The following RGPD2 variants were observed in gnomAD, a reference collection of about 807,000 sequenced individuals.
RGPD2 encodes RANBP2 like and GRIP domain containing 2.
A neutral mutation model predicts 36.0 loss-of-function variants in RGPD2; 2 were observed. The ratio of observed to expected loss-of-function variants is 0.06; its 90% CI spans 0.02 to 0.17. RGPD2 has a LOEUF of 0.17. Among genes scored for constraint, RGPD2 ranks in the 10% least tolerant of loss-of-function variants. RGPD2 has a pLI of 1.00. For missense variants in RGPD2, 40 were observed against 464.3 expected, an observed-to-expected ratio of 0.09 and a Z score of 8.40; for synonymous variants, 19 against 163.8, an observed-to-expected ratio of 0.12 and a Z score of 6.75.
chr2:87,761,918 AAG>A (rs1684895322), intron 22 of RGPD2, among the ~76,000 whole-genome samples: 1 of 150,188 alleles, frequency 6.7e-6, no homozygotes, highest in South Asian at 2.2e-4. Context: ...TTTCCAGTGT[AAG>A]GTCACTGTTA....
the RGPD2 span, among the ~76,000 whole-genome samples, chr2:87,852,774 C>T: frequency 5.2e-5 from 8 of 152,396 alleles, no homozygotes; most frequent in Non-Finnish European, 1.0e-4. Context: ...GGCATGTCAC[C>T]TTATTATGGG....
chr2:87,882,032 T>C, the RGPD2 span, among the ~76,000 whole-genome samples: 1 of 152,152 alleles, frequency 6.6e-6, no homozygotes, highest in Non-Finnish European at 1.5e-5. Context: ...ATGTCATGCA[T>C]TTAAACAACC....
chr2:87,825,498 G>A (rs1412072655), intron 1 of RGPD2, among the ~76,000 whole-genome samples, 160 bp downstream of exon 1: 1 of 51,476 alleles, frequency 1.9e-5, no homozygotes, highest in South Asian at 8.5e-4. Flanking sequence ...CCGCCCGGCC[G>A]AGGCCGAGGC....
chr2:87,973,210 A>G, the RGPD2 span: 1 of 1,607,830 alleles, frequency 6.2e-7, no homozygotes, highest in Non-Finnish European at 8.5e-7. Flanking sequence ...CTCCCACCAG[A>G]GTGCCCTCCC....
At chr2:87,932,334 C>G in the RGPD2 span, among the ~76,000 whole-genome samples, 1 of 88,032 alleles carries the variant, frequency 1.1e-5, no homozygotes, top group African/African-American at 4.6e-5. Context: ...TTATTTTGAA[C>G]CTATGTGTGT....
chr2:87,887,131 G>A, the RGPD2 span, among the ~76,000 whole-genome samples: 48 of 151,710 alleles, frequency 3.2e-4, no homozygotes, highest in African/African-American at 1.1e-3. Flanking sequence ...TTAAAAAAAT[G>A]TTAGTTTTCC....
chr2:87,879,085 G>A, the RGPD2 span, among the ~76,000 whole-genome samples: 1 of 151,838 alleles, frequency 6.6e-6, no homozygotes, highest in African/African-American at 2.4e-5. Context: ...ATTTCCTTTG[G>A]GTATATACAT....
the RGPD2 span, among the ~76,000 whole-genome samples, chr2:87,982,428 AT>A: frequency 2.8e-5 from 1 of 35,332 alleles, no homozygotes; most frequent in Non-Finnish European, 8.0e-5. Flanking sequence ...TGTTCCTACA[AT>A]GTACAGTCCA....
At chr2:87,913,879 T>C in the RGPD2 span, among the ~76,000 whole-genome samples, 1 of 152,138 alleles carries the variant, frequency 6.6e-6, no homozygotes, top group Non-Finnish European at 1.5e-5. Flanking sequence ...TACCTGACAC[T>C]CTATGTAACA....
the RGPD2 span, among the ~76,000 whole-genome samples, chr2:87,887,106 A>T: frequency 4.0e-4 from 61 of 151,744 alleles, 2 homozygotes; most frequent in Admixed American, 3.8e-3. Flanking sequence ...AATATTTTTT[A>T]AATTTTTTGA....
chr2:87,964,615 C>A, the RGPD2 span, among the ~76,000 whole-genome samples: 10 of 151,608 alleles, frequency 6.6e-5, no homozygotes, highest in African/African-American at 2.4e-4. Flanking sequence ...CTCACTGCAA[C>A]CTCCTGTGGC....
At chr2:87,825,380 G>A in intron 1 of RGPD2, among the ~76,000 whole-genome samples, 1 of 135,116 alleles carries the variant, frequency 7.4e-6, no homozygotes. Flanking sequence ...CGAGGCCGCC[G>A]CCGCCGCCGC....
the RGPD2 span, among the ~76,000 whole-genome samples, chr2:87,971,471 ATAATGAAT>A: frequency 7.8e-6 from 1 of 128,198 alleles, no homozygotes; most frequent in Non-Finnish European, 1.6e-5. Context: ...AAATATATAT[ATAATGAAT>A]ATATTATTAT....
chr2:87,784,453 AATGATG>A (rs753292841), intron 19 of RGPD2, 106 bp from the exon 20 acceptor site: 21 of 906,552 alleles, frequency 2.3e-5, no homozygotes, highest in African/African-American at 9.6e-5. Context: ...TGTTAACAAT[AATGATG>A]ATGATGATGA....
chr2:87,829,599 G>C (rs1686920671), upstream of RGPD2, among the ~76,000 whole-genome samples: 1 of 151,352 alleles, frequency 6.6e-6, no homozygotes, highest in South Asian at 2.1e-4. Flanking sequence ...GCAAGTCTTA[G>C]AAGGCAGCAG....
intron 7 of RGPD2, among the ~76,000 whole-genome samples, chr2:87,805,951 C>G: frequency 6.7e-6 from 1 of 150,182 alleles, no homozygotes; most frequent in African/African-American, 2.4e-5. Flanking sequence ...ATCACGAGGT[C>G]AAGAGATTGC....
the RGPD2 span, among the ~76,000 whole-genome samples, chr2:87,929,719 G>C: frequency 7.9e-6 from 1 of 126,106 alleles, no homozygotes. Context: ...TTTTCCATTT[G>C]TTCGTGTCAT....
At chr2:87,927,446 T>C in the RGPD2 span, among the ~76,000 whole-genome samples, 1 of 144,014 alleles carries the variant, frequency 6.9e-6, no homozygotes, top group Non-Finnish European at 1.5e-5. Flanking sequence ...TTTGTCACCA[T>C]GTTGTAGCTG....
At chr2:87,934,282 GA>G in the RGPD2 span, among the ~76,000 whole-genome samples, 1 of 141,654 alleles carries the variant, frequency 7.1e-6, no homozygotes, top group Admixed American at 6.8e-5. Context: ...TTGTAATAAA[GA>G]AAGTAAAAGG....
Sources: gnomAD v4.1 joint callset for allele counts (sites outside exome capture counted in the v4.1 genomes callset) on GRCh38, gnomAD v4.1.1 for gene constraint, MANE v1.5 for transcripts, NCBI Gene and HGNC (gene_info 2026-07-23, HGNC 2026-07-21) for gene names.